The following ZNF213 variants were observed in gnomAD, a reference collection of about 807,000 sequenced individuals.
ZNF213 encodes putative transcription factor CR53.
ZNF213 carries 32 observed loss-of-function variants against 46.0 expected under a neutral mutation model. That is an observed-to-expected ratio of 0.70 (90% CI 0.52 to 0.93). ZNF213 has a LOEUF of 0.93. Ranked by LOEUF, ZNF213 falls within the 40% of genes least tolerant of loss-of-function variation. The pLI is 0.00. For missense variants in ZNF213, 639 were observed against 652.8 expected (o/e 0.98, Z 0.23); for synonymous variants, 297 against 271.0 (o/e 1.10, Z -0.94).
rs1370484372 is a variant in ZNF213, at chr16:3,137,244, G to A, written c.-37G>A. 2 of 1,537,644 alleles carry A rather than the reference G, an allele frequency of 1.3e-6. No individual in the cohort carries two copies. Among genetic ancestry groups the A allele is most frequent in the Non-Finnish European group, 8.7e-7 (1 of 1,144,876 alleles). Reference sequence around the variant, plus strand: ...TGAAAGTACAGGTTCTGGGGCCCAGGTTGAAGCCGACCAACCCTGAGCCTC... The same window carrying A: ...TGAAAGTACAGGTTCTGGGGCCCAGATTGAAGCCGACCAACCCTGAGCCTC... On this transcript the variant is annotated 5_prime_UTR_variant, in exon 2 of 6. Transcript: ENST00000396878.
Position 3,138,444 on chromosome 16 carries a change from C to T in ZNF213, c.426C>T (p.Pro142=), listed in dbSNP as rs7194765. ...RQDVPSEEAE[P]EAAGRGSQAT... Reference sequence around the variant, plus strand: ...ATGTGCCCTCGGAGGAGGCGGAACCCGAGGCTGCAGGCCGGGGATCCCAGG... The same window carrying T: ...ATGTGCCCTCGGAGGAGGCGGAACCTGAGGCTGCAGGCCGGGGATCCCAGG... Residue 142 remains proline (P), a synonymous_variant, in exon 3 of 6, where the codon CCC becomes CCT. Transcript: ENST00000396878. The T allele has an allele frequency of 5.9e-5, 95 of 1,613,458 alleles. No individual in the cohort carries two copies. The African/African-American group carries it at 8.3e-4, about 14-fold the overall frequency.
At position 3,142,450 on chromosome 16, in the gene ZNF213, G is replaced by A. The variant is rs990538038; in HGVS notation, c.*1103G>A. 2.6e-5 allele frequency: 5 copies of A among 188,842 alleles called. No individual in the cohort carries two copies. The highest frequency in any genetic ancestry group is 2.6e-4 in the Admixed American group (4 of 15,152). The allele number at this position is 188,842 out of a possible 1,614,324, so 11.7% of individuals were successfully genotyped here. ...GGTGTCCCACTCCATTGTCACTAAC[G>A]TCCGGCTCCATCGGCACTACCACCC... On this transcript the variant is annotated 3_prime_UTR_variant, in exon 6 of 6. Transcript: ENST00000396878.
chr16:3,135,783 C>A (rs1957528191), intron 1 of ZNF213, among the ~76,000 whole-genome samples: 1 of 151,446 alleles, frequency 6.6e-6, no homozygotes, highest in Non-Finnish European at 1.5e-5. Flanking sequence ...TTTGAATCTT[C>A]CCTTTTTTAT....
At chr16:3,137,140 G>T (rs1957547907) in intron 1 of ZNF213, 26 bp from the exon 2 acceptor site, 2 of 1,135,072 alleles carry the variant, frequency 1.8e-6, no homozygotes, top group South Asian at 3.2e-5. Flanking sequence ...TTCCTCCTCA[G>T]TCCTGCCATT....
intron 2 of ZNF213, 124 bp downstream of exon 2, chr16:3,137,803 C>G: frequency 8.1e-7 from 1 of 1,234,830 alleles, no homozygotes; most frequent in South Asian, 1.5e-5. Flanking sequence ...CCCCCAGGAG[C>G]AGGCACACAA....
rs1273948978 is a variant in ZNF213, at chr16:3,137,146, C to G, written c.-115-20C>G. 1.7e-6 allele frequency: 2 copies of G among 1,197,684 alleles called. No individual in the cohort carries two copies. The highest frequency in any genetic ancestry group is 1.5e-5 in the African/African-American group (1 of 65,502). 74.2% of individuals were successfully genotyped at this position (1,197,684 alleles called of 1,614,324 possible). A position where few individuals can be genotyped will look rare whatever the true frequency, so the allele number is the denominator to read the frequency against. ...TCCACATCCTTCCTCCTCAGTCCTG[C>G]CATTTTGCTCTTTCCCCAGGAGTAC... On this transcript the variant is annotated intron_variant, in intron 1 of 5. Transcript: ENST00000396878.
At chr16:3,137,761 C>T (rs771718315) in intron 2 of ZNF213, 82 bp downstream of exon 2, 5 of 1,515,716 alleles carry the variant, frequency 3.3e-6, no homozygotes, top group East Asian at 2.4e-5. Context: ...GATAAGTCTC[C>T]CAGAGGCTCA....
Position 3,137,599 on chromosome 16 carries a change from G to A in ZNF213, c.319G>A (p.Glu107Lys), listed in dbSNP as rs150411223. ...LPGEIQGWVR[E>K]QHPGSGEEAV... The stretch of plus-strand genomic sequence containing the variant: ...AGGGGAGATCCAGGGCTGGGTGCGT[G>A]AGCAGCACCCGGGAAGCGGTGAGGA... Residue 107 changes from glutamate to lysine, a missense_variant, in exon 2 of 6, where the codon GAG (glutamate) becomes AAG (lysine). By Grantham distance (56) the Glu-to-Lys change is moderately conservative. Coordinates refer to ENST00000396878, the MANE Select transcript of ZNF213 (RefSeq NM_004220.3). 1.8e-5 allele frequency: 29 copies of A among 1,613,928 alleles called. No individual in the cohort carries two copies. The East Asian group carries it at 2.0e-4, about 11-fold the overall frequency.
chr16:3,137,702 G>T (rs1390325617), intron 2 of ZNF213, 23 bp downstream of exon 2: 11 of 1,609,802 alleles, frequency 6.8e-6, no homozygotes, highest in Non-Finnish European at 9.3e-6. Context: ...TCCACATCCA[G>T]GGGCACCTGG....
rs1314033663 is a variant in ZNF213, at chr16:3,141,533, G to C, written c.*186G>C. The C allele has an allele frequency of 1.1e-5, 7 of 634,424 alleles. No homozygotes were observed. Among genetic ancestry groups the C allele is most frequent in the Non-Finnish European group, 1.8e-5 (7 of 389,776 alleles). 39.3% of individuals were successfully genotyped at this position (634,424 alleles called of 1,614,324 possible). A position where few individuals can be genotyped will look rare whatever the true frequency, so the allele number is the denominator to read the frequency against. The stretch of plus-strand genomic sequence containing the variant: ...GACCTGCCCAGCGCTCAAAGGGAAC[G>C]GAAGCCTTCCCCTCCCGCCCCCGAT... On this transcript the variant is annotated 3_prime_UTR_variant, in exon 6 of 6. Coordinates refer to ENST00000396878, the MANE Select transcript of ZNF213 (RefSeq NM_004220.3).
At position 3,135,842 on chromosome 16, in the gene ZNF213, C is replaced by CTT. The variant is rs58418648; in HGVS notation, c.-116+470_-116+471dup. On this transcript the variant is annotated intron_variant, in intron 1 of 5. Coordinates refer to ENST00000396878, the MANE Select transcript of ZNF213 (RefSeq NM_004220.3). ...TTTTCTTTTTACTTTTCTTTTCTTT[C>CTT]TTTTTTTTTTTTTTTTGAGATGGTC... Among the ~76,000 whole-genome samples the CTT allele has an allele frequency of 7.6e-3, 1,002 of 132,242 alleles. 14 individuals are homozygous for CTT. Among genetic ancestry groups the CTT allele is most frequent in the African/African-American group, 0.016 (576 of 36,646 alleles). The allele number at this position is 132,242 out of a possible 152,430, so 86.8% of individuals were successfully genotyped here.
In ZNF213 at chr16:3,142,672, T is replaced by G. The variant is rs1053997; in HGVS notation, c.*1325T>G. On this transcript the variant is annotated 3_prime_UTR_variant, in exon 6 of 6. Transcript: ENST00000396878. ...CCCTGCTCCATCGGCACTAACGCCC[T>G]GCTTCATTGGCACTTTGCTGCTGCC... The G allele has an allele frequency of 1.2e-5, 2 of 162,758 alleles. No homozygotes were observed. Among genetic ancestry groups the G allele is most frequent in the African/African-American group, 4.8e-5 (2 of 41,414 alleles). The allele number at this position is 162,758 out of a possible 1,614,324, so 10.1% of individuals were successfully genotyped here.
At position 3,137,494 on chromosome 16, in the gene ZNF213, C is replaced by CGCTGGCTG. The variant is rs751006475; in HGVS notation, c.215_222dup (p.Arg75AlafsTer23). ...CAGCCAGCTCTGGGAGCTCTGCTGC[C>CGCTGGCTG]GCTGGCTGCGGCCCGAGCTGCGTAC... On this transcript the variant is annotated frameshift_variant, in exon 2 of 6. Transcript: ENST00000396878. LOFTEE classifies it high-confidence loss of function. 1.2e-6 allele frequency: 2 copies of CGCTGGCTG among 1,613,958 alleles called. No homozygotes were observed. Among genetic ancestry groups the CGCTGGCTG allele is most frequent in the Admixed American group, 3.3e-5 (2 of 60,034 alleles).
intron 1 of ZNF213, among the ~76,000 whole-genome samples, chr16:3,136,286 G>C: frequency 6.6e-6 from 1 of 152,144 alleles, no homozygotes; most frequent in East Asian, 1.9e-4. Flanking sequence ...GCCCTTCTGT[G>C]ACACCTCAGG....
At chr16:3,139,378 G>A (rs224246) in intron 5 of ZNF213, 305,586 of 390,288 alleles carry the variant, frequency 0.78, 120,647 homozygotes, top group South Asian at 0.87. Context: ...CCCATTTTAC[G>A]CATAAGGGAC....
Position 3,137,582 on chromosome 16 carries a change from T to G in ZNF213, c.302T>G (p.Ile101Ser). The change falls in exon 2 of 6, where the codon ATC becomes AGC. Residue 101 changes from isoleucine to serine, a missense_variant. Transcript: ENST00000396878. ...EQFLTVLPGEIQGWVREQHPG... is the reference protein window; with the variant it reads ...EQFLTVLPGESQGWVREQHPG... ...TTCCTGACAGTGCTGCCAGGGGAGA[T>G]CCAGGGCTGGGTGCGTGAGCAGCAC... 1 of 1,613,958 alleles carries G rather than the reference T, an allele frequency of 6.2e-7. No homozygotes were observed. Among genetic ancestry groups the G allele is most frequent in the Non-Finnish European group, 8.5e-7 (1 of 1,180,000 alleles).
At chr16:3,139,347 C>T (rs1024006615) in intron 5 of ZNF213, 2 of 520,752 alleles carry the variant, frequency 3.8e-6, no homozygotes, top group South Asian at 2.3e-5. Flanking sequence ...GTCTCACAAC[C>T]TAGTGCATGG....
Position 3,137,357 on chromosome 16 carries a change from C to A in ZNF213, c.77C>A (p.Ser26Tyr), listed in dbSNP as rs1452816896. 6.2e-7 allele frequency: 1 copy of A among 1,613,844 alleles called. No homozygotes were observed. Among genetic ancestry groups the A allele is most frequent in the South Asian group, 1.1e-5 (1 of 91,078 alleles). Reference sequence around the variant, plus strand: ...CTTCTGATTGTGAAAGTGGAAGATTCCTCCTGGGAACAGGAATCTGCCCAG... The same window carrying A: ...CTTCTGATTGTGAAAGTGGAAGATTACTCCTGGGAACAGGAATCTGCCCAG... ...EGLLIVKVEDSSWEQESAQHE... is the reference protein window; with the variant it reads ...EGLLIVKVEDYSWEQESAQHE... Residue 26 changes from serine to tyrosine, a missense_variant, in exon 2 of 6, where the codon TCC becomes TAC. Coordinates refer to ENST00000396878, the MANE Select transcript of ZNF213 (RefSeq NM_004220.3).
At position 3,141,199 on chromosome 16, in the gene ZNF213, C is replaced by T. The variant is rs758380228; in HGVS notation, c.1232C>T (p.Ser411Leu). Residue 411 changes from serine (S) to leucine (L), a missense_variant, in exon 6 of 6, where the codon TCG becomes TTG. Transcript: ENST00000396878. ...TGCAGCGACTGCGGCAAGAGCTTCT[C>T]GCTGCGCTCCTACCTGCTGGACCAT... is the stretch of plus-strand genomic sequence containing the variant. ...FGCSDCGKSF[S>L]LRSYLLDHRR... The T allele has an allele frequency of 2.5e-6, 4 of 1,612,500 alleles. No homozygotes were observed. The highest frequency in any genetic ancestry group is 8.5e-7 in the Non-Finnish European group (1 of 1,179,924).
Sources: gnomAD v4.1 joint callset for allele counts (sites outside exome capture counted in the v4.1 genomes callset) on GRCh38, gnomAD v4.1.1 for gene constraint, MANE v1.5 for transcripts, NCBI Gene and HGNC (gene_info 2026-07-23, HGNC 2026-07-21) for gene names.